CHCHD6: variants seen among roughly 807,000 people sequenced by gnomAD.
The protein encoded by CHCHD6 is MICOS complex subunit MIC25.
In CHCHD6, 28 loss-of-function variants were observed where a neutral mutation model predicts 32.3. The ratio of observed to expected loss-of-function variants is 0.87; its 90% CI spans 0.64 to 1.19. The LOEUF (loss-of-function observed/expected upper bound fraction) is 1.19. Ranked by LOEUF, CHCHD6 falls within the 50% of genes most tolerant of loss-of-function variation. The pLI is 0.00. For synonymous variants in CHCHD6, 122 were observed against 117.5 expected (o/e 1.04, Z -0.25); for missense variants, 333 against 307.0 (o/e 1.08, Z -0.63).
chr3:126,818,410 G>A (rs1315015543), intron 4 of CHCHD6, among the ~76,000 whole-genome samples: 2 of 152,076 alleles, frequency 1.3e-5, no homozygotes, highest in African/African-American at 2.4e-5. Flanking sequence ...AGAGGTGACC[G>A]GATCCCCTCA....
At chr3:126,815,459 G>A (rs546149563) in intron 4 of CHCHD6, among the ~76,000 whole-genome samples, 7 of 152,220 alleles carry the variant, frequency 4.6e-5, no homozygotes, top group East Asian at 1.9e-4. Flanking sequence ...GGATCCCAGC[G>A]CCCTCCACCT....
chr3:126,813,583 A>G (rs976060097), intron 4 of CHCHD6, among the ~76,000 whole-genome samples: 3 of 152,208 alleles, frequency 2.0e-5, no homozygotes, highest in African/African-American at 7.2e-5. Context: ...ACAATTTGAG[A>G]AAGGCATTAG....
At position 126,908,954 on chromosome 3, in the gene CHCHD6, C is replaced by T. The variant is rs532872123; in HGVS notation, c.496-5726C>T. Among the ~76,000 whole-genome samples, 8 of 152,340 alleles carry T rather than the reference C, an allele frequency of 5.3e-5. 1 individual carries two copies. The highest frequency in any genetic ancestry group is 9.6e-5 in the African/African-American group (4 of 41,578). The stretch of plus-strand genomic sequence containing the variant: ...GAGGTGGGTCCTGACCCTGCACAGG[C>T]GGTCTGACCACGGCATGCACACGTT... On this transcript the variant is annotated intron_variant, in intron 5 of 7. Transcript: ENST00000290913.
chr3:126,777,160 A>G (rs1426512693), intron 4 of CHCHD6, among the ~76,000 whole-genome samples: 1 of 152,104 alleles, frequency 6.6e-6, no homozygotes, highest in Non-Finnish European at 1.5e-5. Context: ...ATTTCTTTAT[A>G]ATACTTATTT....
intron 4 of CHCHD6, among the ~76,000 whole-genome samples, chr3:126,773,041 G>A (rs1937571921): frequency 6.6e-6 from 1 of 151,600 alleles, no homozygotes; most frequent in Non-Finnish European, 1.5e-5. Flanking sequence ...TTTTCTTAAA[G>A]AATGCTGAAT....
At chr3:126,863,851 A>G (rs1191314704) in intron 5 of CHCHD6, among the ~76,000 whole-genome samples, 1 of 142,072 alleles carries the variant, frequency 7.0e-6, no homozygotes, top group African/African-American at 2.6e-5. Flanking sequence ...CTCCTCCACC[A>G]TCAACACCTC....
chr3:126,767,963 T>C (rs1056242479), intron 4 of CHCHD6, among the ~76,000 whole-genome samples: 2 of 152,224 alleles, frequency 1.3e-5, no homozygotes, highest in East Asian at 3.8e-4. Flanking sequence ...TTCCATGGTG[T>C]ACATGTACCA....
intron 4 of CHCHD6, among the ~76,000 whole-genome samples, chr3:126,750,205 C>T (rs1936672408): frequency 6.6e-6 from 1 of 152,212 alleles, no homozygotes; most frequent in Non-Finnish European, 1.5e-5. Context: ...GTCAATTCTG[C>T]CCAGACATTC....
chr3:126,900,897 C>T (rs184756439), intron 5 of CHCHD6, among the ~76,000 whole-genome samples: 4 of 152,198 alleles, frequency 2.6e-5, no homozygotes, highest in Admixed American at 2.0e-4. Flanking sequence ...AGCCACCACG[C>T]CTGGCCAGGT....
intron 4 of CHCHD6, among the ~76,000 whole-genome samples, chr3:126,843,438 A>G (rs568864546): frequency 2.0e-4 from 31 of 152,264 alleles, no homozygotes; most frequent in African/African-American, 7.0e-4. Context: ...TAGAAGTTGT[A>G]TGATTTCTTC....
chr3:126,950,541 C>T (rs921027441), intron 6 of CHCHD6, among the ~76,000 whole-genome samples: 1 of 152,200 alleles, frequency 6.6e-6, no homozygotes, highest in African/African-American at 2.4e-5. Context: ...ACACCTGCCT[C>T]CTGGGTGCAA....
chr3:126,841,026 C>G, intron 4 of CHCHD6, among the ~76,000 whole-genome samples: 1 of 151,930 alleles, frequency 6.6e-6, no homozygotes, highest in Non-Finnish European at 1.5e-5. Flanking sequence ...GTATATCTCC[C>G]GATGCTATCC....
At position 126,942,475 on chromosome 3, in the gene CHCHD6, CTATT is replaced by C. The variant is rs199535579; in HGVS notation, c.567-14940_567-14937del. 3.3e-3 allele frequency among the ~76,000 whole-genome samples: 506 copies of C among 152,200 alleles called. 5 individuals carry two copies. Among genetic ancestry groups the C allele is most frequent in the African/African-American group, 0.011 (472 of 41,528 alleles). Reference sequence around the variant, plus strand: ...TCCCCTTCTCTCTTTAGTTATGTAACTATTCATTTATTTGGTTATGTTAGTAAGG... The same window carrying C: ...TCCCCTTCTCTCTTTAGTTATGTAACCATTTATTTGGTTATGTTAGTAAGG... On this transcript the variant is annotated intron_variant, in intron 6 of 7. Transcript: ENST00000290913.
chr3:126,704,262 T>A lies in CHCHD6; in HGVS notation c.-51T>A, dbSNP rs371171901. On this transcript the variant is annotated 5_prime_UTR_variant, in exon 1 of 8. Transcript: ENST00000290913. ...TGGAAAGCGTTGTTGGCCCGGTTGC[T>A]CTGGAGCCGGGTCTCGGGTCTGGTG... 17 of 1,479,122 alleles carry A rather than the reference T, an allele frequency of 1.1e-5. No homozygotes were observed. Among genetic ancestry groups the A allele is most frequent in the Non-Finnish European group, 1.6e-5 (17 of 1,070,530 alleles). 91.6% of individuals were successfully genotyped at this position (1,479,122 alleles called of 1,614,324 possible).
At chr3:126,763,671 C>G (rs1041463690) in intron 4 of CHCHD6, among the ~76,000 whole-genome samples, 4 of 152,112 alleles carry the variant, frequency 2.6e-5, no homozygotes, top group African/African-American at 9.7e-5. Flanking sequence ...TCTTCAGATA[C>G]TTTCTTTGTG....
In CHCHD6 at chr3:126,942,819, G is replaced by A. The variant is rs150315814; in HGVS notation, c.567-14597G>A. Among the ~76,000 whole-genome samples the A allele has an allele frequency of 3.3e-3, 505 of 152,272 alleles. 4 individuals are homozygous for A. The highest frequency in any genetic ancestry group is 0.012 in the African/African-American group (482 of 41,544). Reference sequence around the variant, plus strand: ...CTAGGTGCTCTCAGTGGGAAGAGCTGGGAAACATGGATGTGTGTACACAGA... The same window carrying A: ...CTAGGTGCTCTCAGTGGGAAGAGCTAGGAAACATGGATGTGTGTACACAGA... On this transcript the variant is annotated intron_variant, in intron 6 of 7. Coordinates refer to ENST00000290913, the MANE Select transcript of CHCHD6 (RefSeq NM_032343.3).
intron 6 of CHCHD6, among the ~76,000 whole-genome samples, chr3:126,937,444 G>C (rs1302218038): frequency 6.6e-6 from 1 of 152,148 alleles, no homozygotes; most frequent in Non-Finnish European, 1.5e-5. Context: ...TGCCTGTGTG[G>C]CTTGTCTCGG....
At chr3:126,746,568 A>G (rs2107665834) in intron 4 of CHCHD6, among the ~76,000 whole-genome samples, 1 of 152,234 alleles carries the variant, frequency 6.6e-6, no homozygotes, top group South Asian at 2.1e-4. Flanking sequence ...GTGTCAGACA[A>G]TGTTGAACAC....
chr3:126,917,007 AC>A (rs2078181293), intron 6 of CHCHD6, among the ~76,000 whole-genome samples: 1 of 152,212 alleles, frequency 6.6e-6, no homozygotes, highest in Admixed American at 6.5e-5. Flanking sequence ...CAAGTGGCCC[AC>A]CATCATGAGG....
Sources: gnomAD v4.1 joint callset for allele counts (sites outside exome capture counted in the v4.1 genomes callset) on GRCh38, gnomAD v4.1.1 for gene constraint, MANE v1.5 for transcripts, NCBI Gene and HGNC (gene_info 2026-07-23, HGNC 2026-07-21) for gene names.